Variants in DMD observed in about 807,000 individuals in gnomAD.
DMD encodes dystrophin.
A neutral mutation model predicts 330.1 loss-of-function variants in DMD; 63 were observed. The ratio of observed to expected loss-of-function variants is 0.19; its 90% CI spans 0.16 to 0.24. The LOEUF (loss-of-function observed/expected upper bound fraction) is 0.24. Among genes scored for constraint, DMD ranks in the 10% least tolerant of loss-of-function variants. DMD has a pLI of 1.00. For missense variants in DMD, 3,344 were observed against 2,684.1 expected, an observed-to-expected ratio of 1.25 and a Z score of -5.43; for synonymous variants, 1,223 against 959.8, an observed-to-expected ratio of 1.27 and a Z score of -5.07.
In DMD at chrX:32,631,542, G is replaced by C. The variant is rs1416133660; in HGVS notation, c.1331+12590C>G. 2.7e-5 allele frequency among the ~76,000 whole-genome samples: 3 copies of C among 111,965 alleles called. No homozygotes were observed. The East Asian group carries it at 8.5e-4, about 32-fold the overall frequency. On this transcript the variant is annotated intron_variant, in intron 11 of 78. Coordinates refer to ENST00000357033, the MANE Select transcript of DMD (RefSeq NM_004006.3). ...GATACTGGGTAATTTATGAAGAAAA[G>C]AGGCTTAAATGGCTCATGGTTCTGC...
intron 43 of DMD, among the ~76,000 whole-genome samples, chrX:32,238,355 G>A (rs910432042): frequency 4.5e-5 from 5 of 110,521 alleles, no homozygotes; most frequent in African/African-American, 1.6e-4. Flanking sequence ...TCATTCTTGT[G>A]GCTCTTTGCA....
At chrX:31,939,967 A>G (rs1303300730) in intron 45 of DMD, among the ~76,000 whole-genome samples, 2 of 111,951 alleles carry the variant, frequency 1.8e-5, no homozygotes, top group East Asian at 5.6e-4. Flanking sequence ...TAGGTGAAGC[A>G]TATATGTAAT....
intron 30 of DMD, among the ~76,000 whole-genome samples, chrX:32,410,479 G>A (rs10521994): frequency 0.14 from 15,515 of 111,268 alleles, 905 homozygotes; most frequent in African/African-American, 0.2. Context: ...TATTAACGGT[G>A]ATTCATTAAC....
At chrX:32,416,310 C>A (rs1158193762) in intron 29 of DMD, among the ~76,000 whole-genome samples, 2 of 112,021 alleles carry the variant, frequency 1.8e-5, no homozygotes, top group East Asian at 5.6e-4. Context: ...TAAGCTTATG[C>A]TTGCAAATGG....
intron 44 of DMD, among the ~76,000 whole-genome samples, chrX:32,099,745 G>T (rs1208040827): frequency 4.3e-5 from 3 of 69,461 alleles, no homozygotes; most frequent in Admixed American, 2.1e-4. Context: ...ACTGTTGTGG[G>T]GTGGGGGGAG....
At chrX:31,960,971 A>G (rs2095297474) in intron 45 of DMD, among the ~76,000 whole-genome samples, 1 of 111,694 alleles carries the variant, frequency 9.0e-6, no homozygotes, top group Admixed American at 9.5e-5. Flanking sequence ...CATCTAAAAC[A>G]TCTTGTGGCT....
chrX:32,956,353 T>C (rs189673383), intron 2 of DMD, among the ~76,000 whole-genome samples: 2 of 111,900 alleles, frequency 1.8e-5, no homozygotes, highest in Admixed American at 1.9e-4. Flanking sequence ...TTGAGGAGTG[T>C]TTGGTAGTTC....
At chrX:31,615,834 AC>A (rs2078167659) in intron 55 of DMD, among the ~76,000 whole-genome samples, 1 of 112,233 alleles carries the variant, frequency 8.9e-6, no homozygotes, top group Non-Finnish European at 1.9e-5. Flanking sequence ...AATAAACAAT[AC>A]CAAAGTCTAT....
chrX:31,775,593 T>C (rs1255541710), intron 50 of DMD, among the ~76,000 whole-genome samples: 4 of 111,169 alleles, frequency 3.6e-5, no homozygotes, highest in African/African-American at 9.8e-5. Flanking sequence ...TATTGGACTA[T>C]GTAGTTTGGA....
chrX:32,206,288 A>G, intron 44 of DMD: 1 of 548,149 alleles, frequency 1.8e-6, no homozygotes, highest in Non-Finnish European at 3.2e-6. Context: ...AGGATGTGAA[A>G]CTCATAAGTA....
chrX:32,503,615 G>A (rs1453557379), intron 18 of DMD, among the ~76,000 whole-genome samples: 1 of 111,309 alleles, frequency 9.0e-6, no homozygotes, highest in Middle Eastern at 4.7e-3. Context: ...GAGTGCAGTG[G>A]CATGATCTCA....
chrX:32,241,949 T>C (rs1426338379), intron 43 of DMD, among the ~76,000 whole-genome samples: 1 of 111,464 alleles, frequency 9.0e-6, no homozygotes, highest in African/African-American at 3.3e-5. Flanking sequence ...AGCTCTGTTA[T>C]GAGACATATG....
chrX:31,276,031 C>T (rs909550257), intron 62 of DMD, among the ~76,000 whole-genome samples: 6 of 111,875 alleles, frequency 5.4e-5, no homozygotes, highest in African/African-American at 9.7e-5. Flanking sequence ...CTTTAAGAAG[C>T]GAGGAAAATT....
intron 47 of DMD, among the ~76,000 whole-genome samples, chrX:31,895,877 T>C: frequency 8.9e-6 from 1 of 112,303 alleles, no homozygotes. Flanking sequence ...TCCCCTTTCC[T>C]GTTTCATTAA....
intron 50 of DMD, among the ~76,000 whole-genome samples, chrX:31,803,764 A>G (rs1171574934): frequency 9.2e-6 from 1 of 108,537 alleles, no homozygotes; most frequent in Non-Finnish European, 1.9e-5. Context: ...CAATGGCACA[A>G]TCTTGGCTCA....
At chrX:33,083,872 C>A (rs1352688736) in intron 1 of DMD, among the ~76,000 whole-genome samples, 1 of 110,826 alleles carries the variant, frequency 9.0e-6, no homozygotes, top group Non-Finnish European at 1.9e-5. Flanking sequence ...GACAGAGACA[C>A]CCCATGCTGG....
chrX:31,752,592 T>A (rs1332392345), intron 51 of DMD, among the ~76,000 whole-genome samples: 2 of 110,968 alleles, frequency 1.8e-5, no homozygotes, highest in African/African-American at 6.6e-5. Flanking sequence ...ATTAAAAAAA[T>A]AATAATAAAC....
chrX:31,530,489 T>G (rs1373443713), intron 55 of DMD, among the ~76,000 whole-genome samples: 2 of 110,475 alleles, frequency 1.8e-5, no homozygotes, highest in East Asian at 5.7e-4. Context: ...CAACTGCTTT[T>G]GCTTTCAATA....
rs779577176 is a variant in DMD at position 32,697,900 on chromosome X, A to G, written c.930T>C (p.Ser310=). Reference sequence around the variant, plus strand: ...AAGGAAATGGGCTCCGTGTAGGGTCAGAGGTGGTGACATAAGCAGCCTGTG... The same window carrying G: ...AAGGAAATGGGCTCCGTGTAGGGTCGGAGGTGGTGACATAAGCAGCCTGTG... ...AYTQAAYVTT[S]DPTRSPFPSQ... Residue 310 remains serine (S), a synonymous_variant, in exon 9 of 79, where the codon TCT becomes TCC. Coordinates refer to ENST00000357033, the MANE Select transcript of DMD (RefSeq NM_004006.3). 2 of 1,208,091 alleles carry G rather than the reference A, an allele frequency of 1.7e-6. No individual in the cohort carries two copies. Among genetic ancestry groups the G allele is most frequent in the Non-Finnish European group, 1.1e-6 (1 of 894,565 alleles).
Sources: allele counts gnomAD v4.1 joint callset (sites outside exome capture counted in the v4.1 genomes callset), GRCh38; gene constraint gnomAD v4.1.1; transcripts MANE v1.5; gene names NCBI Gene and HGNC (gene_info 2026-07-23, HGNC 2026-07-21).